Variants in SLC44A5 observed in about 807,000 individuals in gnomAD.
SLC44A5 encodes the protein choline transporter-like protein 5.
SLC44A5 carries 57 observed loss-of-function variants against 101.8 expected under a neutral mutation model. That is an observed-to-expected ratio of 0.56 (90% CI 0.45 to 0.70). The LOEUF (loss-of-function observed/expected upper bound fraction) is 0.70, where lower values mean the gene tolerates loss of function less well. Ranked by LOEUF, SLC44A5 falls within the 30% of genes least tolerant of loss-of-function variation. The pLI, the probability that SLC44A5 is intolerant of heterozygous loss-of-function variation, is 0.00. For missense variants in SLC44A5, 737 were observed against 853.1 expected, an observed-to-expected ratio of 0.86 and a Z score of 1.70; for synonymous variants, 281 against 290.9, an observed-to-expected ratio of 0.97 and a Z score of 0.35.
intron 3 of SLC44A5, among the ~76,000 whole-genome samples, chr1:75,342,933 C>T (rs1657990785): frequency 6.6e-6 from 1 of 152,122 alleles, no homozygotes. Flanking sequence ...AAAGTGATTA[C>T]TTCACCCTGC....
the SLC44A5 span, among the ~76,000 whole-genome samples, chr1:75,676,993 T>C: frequency 2.3e-4 from 35 of 152,230 alleles, no homozygotes; most frequent in African/African-American, 7.7e-4. Flanking sequence ...AAAAAGTTTA[T>C]CCTAGAACAT....
chr1:75,612,911 A>C (rs1185705622), upstream of SLC44A5, among the ~76,000 whole-genome samples: 1 of 152,180 alleles, frequency 6.6e-6, no homozygotes, highest in African/African-American at 2.4e-5. Context: ...TTTTCGTTAA[A>C]AACATTATCA....
chr1:75,460,907 A>G (rs1666459425), intron 2 of SLC44A5, among the ~76,000 whole-genome samples: 1 of 152,286 alleles, frequency 6.6e-6, no homozygotes, highest in East Asian at 1.9e-4. Flanking sequence ...AGGAATTTGA[A>G]TGGTTTTCCA....
rs1301194753 is a variant in SLC44A5, at chr1:75,461,015, T to C, written c.14-64394A>G. Among the ~76,000 whole-genome samples the C allele has an allele frequency of 2.0e-5, 3 of 151,594 alleles. No individual in the cohort carries two copies. The East Asian group carries it at 5.8e-4, about 29-fold the overall frequency. ...TTACAGATGTATATCACCATAATAT[T>C]AATGATAGTGAAAAAAAAAATGGAA... On this transcript the variant is annotated intron_variant, in intron 2 of 23. Coordinates refer to ENST00000370859, the MANE Select transcript of SLC44A5 (RefSeq NM_001130058.2).
Position 75,444,483 on chromosome 1 carries a change from G to GAAAGAAAGAAAGAAAGAAAGAAAGA in SLC44A5, c.14-47863_14-47862insTCTTTCTTTCTTTCTTTCTTTCTTT, listed in dbSNP as rs1553181287. ...AAAGAAAAAAAGAAAGAGAAAGAAA[G>GAAAGAAAGAAAGAAAGAAAGAAAGA]AAGAAAGAAAGAAAGAAAGAAAGAA... On this transcript the variant is annotated intron_variant, in intron 2 of 23. Coordinates refer to ENST00000370859, the MANE Select transcript of SLC44A5 (RefSeq NM_001130058.2). Among the ~76,000 whole-genome samples the GAAAGAAAGAAAGAAAGAAAGAAAGA allele has an allele frequency of 1.3e-3, 182 of 140,722 alleles. 2 individuals are homozygous for GAAAGAAAGAAAGAAAGAAAGAAAGA. Among genetic ancestry groups the GAAAGAAAGAAAGAAAGAAAGAAAGA allele is most frequent in the African/African-American group, 4.5e-3 (171 of 37,790 alleles). 92.3% of individuals were successfully genotyped at this position (140,722 alleles called of 152,430 possible). A position where few individuals can be genotyped will look rare whatever the true frequency, so the allele number is the denominator to read the frequency against.
intron 1 of SLC44A5, among the ~76,000 whole-genome samples, chr1:75,605,167 T>C (rs981530162): frequency 6.6e-6 from 1 of 152,042 alleles, no homozygotes; most frequent in Admixed American, 6.6e-5. Flanking sequence ...CTAGCAAATT[T>C]ACATTTAAAA....
At chr1:75,445,518 T>TATATGTATATATTACGTA (rs1665507305) in intron 2 of SLC44A5, among the ~76,000 whole-genome samples, 1 of 148,060 alleles carries the variant, frequency 6.8e-6, no homozygotes, top group Non-Finnish European at 1.5e-5. Context: ...CACAATATAA[T>TATATGTATATATTACGTA]ATATGTATAT....
the SLC44A5 span, among the ~76,000 whole-genome samples, chr1:75,721,002 G>A: frequency 6.6e-6 from 1 of 152,144 alleles, no homozygotes; most frequent in East Asian, 1.9e-4. Flanking sequence ...GGAGACCAAA[G>A]TTCTTATTGT....
chr1:75,623,303 GA>G, the SLC44A5 span, among the ~76,000 whole-genome samples: 1 of 152,088 alleles, frequency 6.6e-6, no homozygotes, highest in Non-Finnish European at 1.5e-5. Flanking sequence ...CTAAGAATGT[GA>G]TGTTTAAAAA....
chr1:75,519,185 G>C (rs1040845056), intron 2 of SLC44A5, among the ~76,000 whole-genome samples: 1 of 151,944 alleles, frequency 6.6e-6, no homozygotes, highest in Non-Finnish European at 1.5e-5. Context: ...GACAAGTTTC[G>C]CACAAAGTGT....
intron 6 of SLC44A5, among the ~76,000 whole-genome samples, chr1:75,253,815 C>G (rs981923422): frequency 3.3e-5 from 5 of 152,100 alleles, no homozygotes; most frequent in African/African-American, 9.7e-5. Flanking sequence ...AGGTTTATAC[C>G]TTATTCATCT....
intron 2 of SLC44A5, among the ~76,000 whole-genome samples, chr1:75,527,746 T>G (rs1670500712): frequency 6.6e-6 from 1 of 152,222 alleles, no homozygotes; most frequent in African/African-American, 2.4e-5. Flanking sequence ...AATTTTACTT[T>G]TTGAAATCAA....
At chr1:75,460,136 G>A (rs1246471377) in intron 2 of SLC44A5, among the ~76,000 whole-genome samples, 1 of 152,110 alleles carries the variant, frequency 6.6e-6, no homozygotes, top group Non-Finnish European at 1.5e-5. Context: ...TCTCTGCACT[G>A]TTCTCTCCAC....
At chr1:75,439,528 G>A (rs1344156979) in intron 2 of SLC44A5, among the ~76,000 whole-genome samples, 1 of 151,638 alleles carries the variant, frequency 6.6e-6, no homozygotes, top group African/African-American at 2.4e-5. Context: ...GATCAACTGG[G>A]GCAACATAGT....
At chr1:75,231,251 T>A (rs1408289798) in intron 12 of SLC44A5, among the ~76,000 whole-genome samples, 1 of 152,202 alleles carries the variant, frequency 6.6e-6, no homozygotes, top group African/African-American at 2.4e-5. Flanking sequence ...AGCACTGCTA[T>A]GGGTTACCCA....
chr1:75,255,565 C>A (rs559506664), intron 6 of SLC44A5, among the ~76,000 whole-genome samples: 1 of 151,746 alleles, frequency 6.6e-6, no homozygotes, highest in South Asian at 2.1e-4. Flanking sequence ...CCAGGTATGA[C>A]CAATAGTTCC....
chr1:75,477,936 A>G (rs1374045830), intron 2 of SLC44A5, among the ~76,000 whole-genome samples: 3 of 152,072 alleles, frequency 2.0e-5, no homozygotes, highest in African/African-American at 7.3e-5. Context: ...CAGCAACTCC[A>G]AGACACATAA....
chr1:75,339,204 G>A (rs796393909), intron 4 of SLC44A5, among the ~76,000 whole-genome samples: 7 of 152,130 alleles, frequency 4.6e-5, no homozygotes, highest in African/African-American at 1.7e-4. Flanking sequence ...AAGTTGGCAT[G>A]GCAACTCTGC....
At chr1:75,635,813 T>TAA in the SLC44A5 span, among the ~76,000 whole-genome samples, 84 of 149,480 alleles carry the variant, frequency 5.6e-4, 1 homozygote, top group East Asian at 0.011. Flanking sequence ...ATAATAATAA[T>TAA]AAAAAAAAAA....
Sources: gnomAD v4.1 joint callset for allele counts (sites outside exome capture counted in the v4.1 genomes callset) on GRCh38, gnomAD v4.1.1 for gene constraint, MANE v1.5 for transcripts, NCBI Gene and HGNC (gene_info 2026-07-23, HGNC 2026-07-21) for gene names.